Variants in OSBPL10 observed in about 807,000 individuals in gnomAD.
OSBPL10 encodes the protein oxysterol-binding protein-related protein 10.
Under a neutral mutation model 81.7 loss-of-function variants are expected in OSBPL10, and 49 were observed. That is an observed-to-expected ratio of 0.60 (90% CI 0.48 to 0.76). OSBPL10 has a LOEUF of 0.76. Ranked by LOEUF, OSBPL10 falls within the 30% of genes least tolerant of loss-of-function variation. The probability of loss-of-function intolerance (pLI) is 0.00; values close to 1 mark genes in which losing one functional copy is unlikely to be tolerated. For synonymous variants in OSBPL10, 419 were observed against 383.6 expected (o/e 1.09, Z -1.08); for missense variants, 923 against 987.8 (o/e 0.93, Z 0.88).
intron 2 of OSBPL10, among the ~76,000 whole-genome samples, chr3:32,022,208 C>T (rs777718967): frequency 6.6e-6 from 1 of 152,038 alleles, no homozygotes; most frequent in Non-Finnish European, 1.5e-5. Context: ...GTTATGGAAC[C>T]GAACTGGGGT....
intron 1 of OSBPL10, among the ~76,000 whole-genome samples, chr3:31,908,589 G>C (rs1027125576): frequency 6.6e-6 from 1 of 152,106 alleles, no homozygotes. Flanking sequence ...TAATTGTGTC[G>C]GATGTAGTTC....
intron 2 of OSBPL10, among the ~76,000 whole-genome samples, chr3:32,026,352 A>G (rs797015476): frequency 1.3e-5 from 2 of 152,036 alleles, no homozygotes; most frequent in African/African-American, 4.8e-5. Flanking sequence ...TGCCCAGGCT[A>G]GTTTCAAACT....
At chr3:31,781,055 T>TA (rs142420443) in intron 4 of OSBPL10, among the ~76,000 whole-genome samples, 2,486 of 152,202 alleles carry the variant, frequency 0.016, 64 homozygotes, top group African/African-American at 0.056. Flanking sequence ...ATAGATGCTA[T>TA]AATCCTCAAC....
chr3:31,683,802 G>T lies in OSBPL10; in HGVS notation c.1558C>A (p.Pro520Thr), dbSNP rs780342292. 2.5e-6 allele frequency: 4 copies of T among 1,614,082 alleles called. No homozygotes were observed. Among genetic ancestry groups the T allele is most frequent in the Non-Finnish European group, 8.5e-7 (1 of 1,180,058 alleles). The stretch of plus-strand genomic sequence containing the variant: ...AACCTTAGTTTGTAGCTTTTGGAAG[G>T]GTCATCGGCCATTGGGTGTTCGTGA... Reference protein sequence around the residue: ...SCHEHPMADDPSKSYKLRFVA... With the variant: ...SCHEHPMADDTSKSYKLRFVA... The change falls in exon 8 of 12, where the codon CCT (proline) becomes ACT (threonine). Residue 520 changes from proline to threonine, a missense_variant. This residue lies in a region of OSBPL10 where 387 missense variants were observed against 436.3 expected (regional missense o/e 0.89). Transcript: ENST00000396556.
intron 2 of OSBPL10, chr3:31,989,545 G>A: frequency 6.2e-7 from 1 of 1,614,180 alleles, no homozygotes; most frequent in Non-Finnish European, 8.5e-7. Flanking sequence ...AGATCAGCTT[G>A]GATTAAGCTT....
rs557131614 is a variant in OSBPL10 at position 31,747,862 on chromosome 3, C to A, written c.940+48G>T. On this transcript the variant is annotated intron_variant, in intron 5 of 11. Transcript: ENST00000396556. ...GGAGGAAGACAGTGGGACACAGACA[C>A]AGTGTGTGTACTCATCCCAAACATG... 562 of 1,550,170 alleles carry A rather than the reference C, an allele frequency of 3.6e-4. 7 individuals are homozygous for A. In the South Asian group the frequency reaches 5.9e-3, roughly 16 times the overall value.
Position 31,717,906 on chromosome 3 carries a change from G to A in OSBPL10, c.1095+15351C>T, listed in dbSNP as rs375919665. On this transcript the variant is annotated intron_variant, in intron 6 of 11. Transcript: ENST00000396556. ...ATGCTTCATTCAGTGAAAACTTCCAGGGGAAATTTGTGAGACAGCTGTAAT... is the reference window on the plus strand; with the variant it reads ...ATGCTTCATTCAGTGAAAACTTCCAAGGGAAATTTGTGAGACAGCTGTAAT... Among the ~76,000 whole-genome samples the A allele has an allele frequency of 2.3e-3, 345 of 152,238 alleles. 1 individual carries two copies. Among genetic ancestry groups the A allele is most frequent in the African/African-American group, 8.0e-3 (331 of 41,540 alleles).
intron 5 of OSBPL10, among the ~76,000 whole-genome samples, chr3:31,742,351 A>G (rs1697377611): frequency 6.6e-6 from 1 of 152,240 alleles, no homozygotes; most frequent in Non-Finnish European, 1.5e-5. Context: ...TGGGAAGACC[A>G]ATGCAACTGG....
chr3:32,064,394 C>T lies in OSBPL10; in HGVS notation n.185+13002G>A, dbSNP rs1699765098. 2.1e-5 allele frequency: 2 copies of T among 93,318 alleles called. 1 individual carries two copies. Among genetic ancestry groups the T allele is most frequent in the Admixed American group, 2.6e-4 (2 of 7,696 alleles). The allele number at this position is 93,318 out of a possible 1,614,324, so 5.8% of individuals were successfully genotyped here. A position where few individuals can be genotyped will look rare whatever the true frequency, so the allele number is the denominator to read the frequency against. On this transcript the variant is annotated intron_variant and non_coding_transcript_variant, in intron 1 of 3. Transcript: ENST00000479173. ...GTTGATATACAAACTAATATGAAGC[C>T]CTGATATTTCACCATCTTTTCAGGA...
Position 31,897,885 on chromosome 3 carries a change from G to A in OSBPL10, c.282-18055C>T, listed in dbSNP as rs554806059. ...TAGCTGGGCGTGGTGGCAGGCGCCT[G>A]TAGTCCCAGCTACTAGGGAGGCTGA... On this transcript the variant is annotated intron_variant, in intron 1 of 11. Transcript: ENST00000396556. Among the ~76,000 whole-genome samples the A allele has an allele frequency of 2.0e-5, 3 of 151,902 alleles. No individual in the cohort carries two copies. The South Asian group carries it at 6.3e-4, about 32-fold the overall frequency.
intron 4 of OSBPL10, among the ~76,000 whole-genome samples, chr3:31,761,989 A>C (rs1575527883): frequency 6.6e-6 from 1 of 152,082 alleles, no homozygotes; most frequent in East Asian, 1.9e-4. Context: ...TGGAAGAACG[A>C]GGTGGACCCA....
chr3:31,734,899 A>T (rs1306605310), intron 5 of OSBPL10, among the ~76,000 whole-genome samples: 1 of 152,246 alleles, frequency 6.6e-6, no homozygotes, highest in African/African-American at 2.4e-5. Context: ...TTCCATCCAT[A>T]AAGCAATACT....
chr3:31,737,537 A>G (rs1170491575), intron 5 of OSBPL10, among the ~76,000 whole-genome samples: 1 of 152,228 alleles, frequency 6.6e-6, no homozygotes, highest in East Asian at 1.9e-4. Flanking sequence ...AGGAATTATT[A>G]TGAGGAAACT....
intron 4 of OSBPL10, among the ~76,000 whole-genome samples, chr3:31,823,435 G>A (rs1700027143): frequency 6.6e-6 from 1 of 152,140 alleles, no homozygotes. Context: ...GTAGGAGTGG[G>A]TGAGTAAGCA....
rs1575089922 is a variant in OSBPL10, at chr3:32,036,225, T to G, written n.298+10266A>C. ...ACCACGCCCGGCTAATCTTTTTAAT[T>G]TTTAGTAGAGATGGATCTCGCTATG... On this transcript the variant is annotated intron_variant and non_coding_transcript_variant, in intron 2 of 3. Coordinates refer to the OSBPL10 transcript ENST00000479173. Among the ~76,000 whole-genome samples the G allele has an allele frequency of 2.6e-5, 4 of 152,116 alleles. No homozygotes were observed. The South Asian group carries it at 8.3e-4, about 32-fold the overall frequency.
chr3:31,706,945 C>T (rs1367142257), intron 6 of OSBPL10, among the ~76,000 whole-genome samples: 2 of 150,556 alleles, frequency 1.3e-5, no homozygotes, highest in Non-Finnish European at 3.0e-5. Context: ...CAGATGACTC[C>T]CACCCCACCC....
chr3:31,930,930 C>A (rs182776496), intron 1 of OSBPL10, among the ~76,000 whole-genome samples: 254 of 141,904 alleles, frequency 1.8e-3, no homozygotes, highest in African/African-American at 6.2e-3. Context: ...AGGAGAATGG[C>A]GTGAACCCAG....
At chr3:31,834,932 A>G (rs1429957945) in intron 3 of OSBPL10, among the ~76,000 whole-genome samples, 1 of 152,174 alleles carries the variant, frequency 6.6e-6, no homozygotes, top group Non-Finnish European at 1.5e-5. Flanking sequence ...AAAGTTTAAT[A>G]TTACCTACTT....
chr3:31,940,297 G>A (rs966946836), intron 1 of OSBPL10, among the ~76,000 whole-genome samples: 11 of 152,218 alleles, frequency 7.2e-5, no homozygotes, highest in Non-Finnish European at 1.5e-5. Context: ...AAAGTATTAT[G>A]TTGACTTAAG....
Sources: allele counts gnomAD v4.1 joint callset (sites outside exome capture counted in the v4.1 genomes callset), GRCh38; gene constraint gnomAD v4.1.1; regional missense constraint gnomAD v4.1.1; transcripts MANE v1.5; gene names NCBI Gene and HGNC (gene_info 2026-07-23, HGNC 2026-07-21).